Variants in FKBP4 observed in about 807,000 individuals in gnomAD.
FKBP4 encodes peptidyl-prolyl cis-trans isomerase FKBP4.
A neutral mutation model predicts 54.1 loss-of-function variants in FKBP4; 28 were observed. The observed-to-expected ratio is 0.52, with a 90% CI of 0.38 to 0.71. The LOEUF is 0.71. Ranked by LOEUF, FKBP4 falls within the 30% of genes least tolerant of loss-of-function variation. FKBP4 has a pLI of 0.00. For synonymous variants in FKBP4, 223 were observed against 216.1 expected (o/e 1.03, Z -0.28); for missense variants, 493 against 574.4 (o/e 0.86, Z 1.45).
At chr12:2,801,481 C>T in intron 9 of FKBP4, 125 bp downstream of exon 9, 3 of 1,331,202 alleles carry the variant, frequency 2.3e-6, no homozygotes, top group Admixed American at 1.9e-5. Context: ...TTCCCTGGAG[C>T]ATTAAGGAGC....
At chr12:2,800,669 G>A in intron 8 of FKBP4, 92 bp downstream of exon 8, 1 of 1,260,054 alleles carries the variant, frequency 7.9e-7, no homozygotes, top group South Asian at 1.5e-5. Context: ...GGTGACTAGG[G>A]CAGGGATAGC....
chr12:2,805,317 C>A lies in FKBP4; in HGVS notation c.*2059C>A. 1 of 373,800 alleles carries A rather than the reference C, an allele frequency of 2.7e-6. No individual in the cohort carries two copies. Among genetic ancestry groups the A allele is most frequent in the Non-Finnish European group, 5.2e-6 (1 of 191,138 alleles). 23.2% of individuals were successfully genotyped at this position (373,800 alleles called of 1,614,324 possible). A position where few individuals can be genotyped will look rare whatever the true frequency, so the allele number is the denominator to read the frequency against. On this transcript the variant is annotated 3_prime_UTR_variant, in exon 10 of 10. Transcript: ENST00000001008. ...CCTGAGGTTTCTTCCAGCTCTGCAT[C>A]CTGTAGGATTCCAAGAATGTAAAAC...
chr12:2,801,898 A>C, intron 9 of FKBP4: 2 of 182,910 alleles, frequency 1.1e-5, no homozygotes, highest in Non-Finnish European at 1.2e-5. Flanking sequence ...GGTCCAGTGT[A>C]TTGCGTCAAG....
chr12:2,800,111 G>A lies in FKBP4; in HGVS notation c.835G>A (p.Val279Met). 1 of 1,613,298 alleles carries A rather than the reference G, an allele frequency of 6.2e-7. No individual in the cohort carries two copies. The highest frequency in any genetic ancestry group is 8.5e-7 in the Non-Finnish European group (1 of 1,180,004). Residue 279 changes from valine (V) to methionine (M), a missense_variant, in exon 7 of 10, where the codon GTG becomes ATG. Val to Met is a conservative substitution (Grantham distance 21). Coordinates refer to ENST00000001008, the MANE Select transcript of FKBP4 (RefSeq NM_002014.4). ...CACCATAGTGAAAGAGCGGGGCACTGTGTACTTCAAGGTGAGCCAACAGTC... is the reference window on the plus strand; with the variant it reads ...CACCATAGTGAAAGAGCGGGGCACTATGTACTTCAAGGTGAGCCAACAGTC... ...QSTIVKERGT[V>M]YFKEGKYKQA...
Position 2,801,391 on chromosome 12 carries a change from T to C in FKBP4, c.1272+35T>C, listed in dbSNP as rs369416682. On this transcript the variant is annotated intron_variant, in intron 9 of 9. Transcript: ENST00000001008. ...GGGGTGGGGAACAGTTGGAATAGCA[T>C]CCCTCCACTTAACCTGGCTACTGTG... 14 of 1,610,564 alleles carry C rather than the reference T, an allele frequency of 8.7e-6. No homozygotes were observed. The African/African-American group carries it at 1.7e-4, about 20-fold the overall frequency.
rs996025166 is a variant in FKBP4 at position 2,795,981 on chromosome 12, A to G, written c.105+737A>G. On this transcript the variant is annotated intron_variant, in intron 1 of 9. Coordinates refer to ENST00000001008, the MANE Select transcript of FKBP4 (RefSeq NM_002014.4). This position sits in a 1 kb window ranked among gnomAD's most constrained non-coding sequence, Gnocchi z 4.3. ...CAGGGCTGCGGGGTGTGGGGCGGGG[A>G]GGAGGCGCTCTGCTGTGGAGCCTGC... 21 of 1,077,722 alleles carry G rather than the reference A, an allele frequency of 1.9e-5. No individual in the cohort carries two copies. The highest frequency in any genetic ancestry group is 2.4e-5 in the Non-Finnish European group (21 of 882,108). The allele number at this position is 1,077,722 out of a possible 1,614,324, so 66.8% of individuals were successfully genotyped here.
Position 2,795,041 on chromosome 12 carries a change from C to T in FKBP4, c.-99C>T. On this transcript the variant is annotated 5_prime_UTR_variant, in exon 1 of 10. Coordinates refer to ENST00000001008, the MANE Select transcript of FKBP4 (RefSeq NM_002014.4). This position sits in a 1 kb window ranked among gnomAD's most constrained non-coding sequence, Gnocchi z 4.3. ...GCGGTCCGCAGTCAGTGCCGCCGCG[C>T]CCGGCCTCCCGCACGCCCCGCAGGT... 1 of 651,186 alleles carries T rather than the reference C, an allele frequency of 1.5e-6. No individual in the cohort carries two copies. The allele number at this position is 651,186 out of a possible 1,614,324, so 40.3% of individuals were successfully genotyped here.
chr12:2,804,002 T>C lies in FKBP4; in HGVS notation c.*744T>C, dbSNP rs1170327104. 3.9e-5 allele frequency: 6 copies of C among 152,642 alleles called. No individual in the cohort carries two copies. Among genetic ancestry groups the C allele is most frequent in the African/African-American group, 1.4e-4 (6 of 41,434 alleles). 9.5% of individuals were successfully genotyped at this position (152,642 alleles called of 1,614,324 possible). ...GGAGTGGTGGGTATGGGTGGGTACA[T>C]AATGGGTAGTAGCACAATCAAGGGG... On this transcript the variant is annotated 3_prime_UTR_variant, in exon 10 of 10. Coordinates refer to ENST00000001008, the MANE Select transcript of FKBP4 (RefSeq NM_002014.4).
intron 5 of FKBP4, 79 bp downstream of exon 5, chr12:2,799,323 G>A: frequency 1.4e-6 from 2 of 1,414,508 alleles, no homozygotes; most frequent in South Asian, 1.7e-5. Context: ...AGAACCAGCT[G>A]TTTGTATCCT....
Position 2,794,997 on chromosome 12 carries a change from G to A in FKBP4, c.-143G>A, listed in dbSNP as rs557785187. On this transcript the variant is annotated 5_prime_UTR_variant, in exon 1 of 10. Transcript: ENST00000001008. ...TACCCCAGCTCTCGCGCCGCGTGCAGAGGTGCTCAAGCCTCCTCGCGGTCC... is the reference window on the plus strand; with the variant it reads ...TACCCCAGCTCTCGCGCCGCGTGCAAAGGTGCTCAAGCCTCCTCGCGGTCC... 542 of 367,306 alleles carry A rather than the reference G, an allele frequency of 1.5e-3. 3 individuals carry two copies. The highest frequency in any genetic ancestry group is 0.01 in the African/African-American group (476 of 46,798). 22.8% of individuals were successfully genotyped at this position (367,306 alleles called of 1,614,324 possible).
rs960182242 is a variant in FKBP4 at position 2,799,722 on chromosome 12, T to C, written c.672-128T>C. 3 of 774,594 alleles carry C rather than the reference T, an allele frequency of 3.9e-6. No individual in the cohort carries two copies. In the African/African-American group the frequency reaches 5.2e-5, roughly 13 times the overall value. The allele number at this position is 774,594 out of a possible 1,614,324, so 48.0% of individuals were successfully genotyped here. ...ACAGTGTGAAGAGGCCAGGGAAGAT[T>C]TGCCAAACATTTGAACCAAGTCTCA... On this transcript the variant is annotated intron_variant, in intron 5 of 9. Transcript: ENST00000001008.
Position 2,803,658 on chromosome 12 carries a change from C to CGACT in FKBP4, c.*400_*401insGACT. 5.8e-6 allele frequency: 1 copy of CGACT among 173,788 alleles called. No homozygotes were observed. Among genetic ancestry groups the CGACT allele is most frequent in the Non-Finnish European group, 1.3e-5 (1 of 79,408 alleles). The allele number at this position is 173,788 out of a possible 1,614,324, so 10.8% of individuals were successfully genotyped here. A position where few individuals can be genotyped will look rare whatever the true frequency, so the allele number is the denominator to read the frequency against. ...TTCCTCATCCTTTCCCTCTCCCAGT[C>CGACT]CATTTCCAAATGTGGCCTCCATGTG... On this transcript the variant is annotated 3_prime_UTR_variant, in exon 10 of 10. Transcript: ENST00000001008.
chr12:2,805,321 T>C lies in FKBP4; in HGVS notation c.*2063T>C. On this transcript the variant is annotated 3_prime_UTR_variant, in exon 10 of 10. Coordinates refer to ENST00000001008, the MANE Select transcript of FKBP4 (RefSeq NM_002014.4). ...AGGTTTCTTCCAGCTCTGCATCCTG[T>C]AGGATTCCAAGAATGTAAAACTGCA... The C allele has an allele frequency of 2.7e-6, 1 of 370,858 alleles. No individual in the cohort carries two copies. The highest frequency in any genetic ancestry group is 5.3e-6 in the Non-Finnish European group (1 of 189,870). The allele number at this position is 370,858 out of a possible 1,614,324, so 23.0% of individuals were successfully genotyped here. A position where few individuals can be genotyped will look rare whatever the true frequency, so the allele number is the denominator to read the frequency against.
At position 2,794,987 on chromosome 12, in the gene FKBP4, G is replaced by A; in HGVS notation, c.-153G>A. On this transcript the variant is annotated 5_prime_UTR_variant, in exon 1 of 10. Transcript: ENST00000001008. ...CTGACCCACCTACCCCAGCTCTCGC[G>A]CCGCGTGCAGAGGTGCTCAAGCCTC... 5.8e-6 allele frequency: 2 copies of A among 346,018 alleles called. No homozygotes were observed. Among genetic ancestry groups the A allele is most frequent in the South Asian group, 1.4e-4 (1 of 7,088 alleles). The allele number at this position is 346,018 out of a possible 1,614,324, so 21.4% of individuals were successfully genotyped here.
At chr12:2,797,021 AGAG>A in intron 1 of FKBP4, 114 bp from the exon 2 acceptor site, 1 of 1,478,966 alleles carries the variant, frequency 6.8e-7, no homozygotes, top group Non-Finnish European at 9.0e-7. Flanking sequence ...ACAAGTAGGC[AGAG>A]GAGGATGAAC....
In FKBP4 at chr12:2,805,023, T is replaced by C. The variant is rs115690712; in HGVS notation, c.*1765T>C. 8.0e-4 allele frequency: 253 copies of C among 316,280 alleles called. 1 individual carries two copies. Among genetic ancestry groups the C allele is most frequent in the African/African-American group, 5.3e-3 (241 of 45,078 alleles). 19.6% of individuals were successfully genotyped at this position (316,280 alleles called of 1,614,324 possible). A position where few individuals can be genotyped will look rare whatever the true frequency, so the allele number is the denominator to read the frequency against. On this transcript the variant is annotated 3_prime_UTR_variant, in exon 10 of 10. Coordinates refer to ENST00000001008, the MANE Select transcript of FKBP4 (RefSeq NM_002014.4). ...CTCTTGGTATTTCAAAAGTAGTAGA[T>C]TCTTACGCCTGCAGCCAACAATAAT...
intron 5 of FKBP4, among the ~76,000 whole-genome samples, 168 bp downstream of exon 5, chr12:2,799,412 C>T (rs2097903589): frequency 1.3e-5 from 2 of 152,220 alleles, no homozygotes; most frequent in Admixed American, 1.3e-4. Context: ...TTGTCTACAT[C>T]TCCTTGGATC....
intron 9 of FKBP4, among the ~76,000 whole-genome samples, chr12:2,802,338 A>T (rs759088532): frequency 6.6e-6 from 1 of 151,920 alleles, no homozygotes; most frequent in Non-Finnish European, 1.5e-5. Context: ...AAGTTTCATC[A>T]TGTTGACCAG....
intron 5 of FKBP4, among the ~76,000 whole-genome samples, chr12:2,799,573 G>A (rs1392314150): frequency 6.6e-6 from 1 of 152,206 alleles, no homozygotes; most frequent in Non-Finnish European, 1.5e-5. Context: ...GAGACTAATA[G>A]AACATTGTTT....
Sources: gnomAD v4.1 joint callset for allele counts (sites outside exome capture counted in the v4.1 genomes callset) on GRCh38, gnomAD v4.1.1 for gene constraint, Gnocchi (gnomAD v3.1) non-coding constraint, MANE v1.5 for transcripts, NCBI Gene and HGNC (gene_info 2026-07-23, HGNC 2026-07-21) for gene names.